PCDHA4: variants seen among roughly 807,000 people sequenced by gnomAD.
The protein encoded by PCDHA4 is protocadherin alpha-4.
A neutral mutation model predicts 61.4 loss-of-function variants in PCDHA4; 49 were observed. That is an observed-to-expected ratio of 0.80 (90% confidence interval 0.63 to 1.01). The LOEUF is 1.01. Among genes scored for constraint, PCDHA4 ranks in the 50% least tolerant of loss-of-function variants. The pLI is 0.00. For missense variants in PCDHA4, 1,254 were observed against 1,235.8 expected (o/e 1.01, Z -0.22); for synonymous variants, 590 against 550.3 (o/e 1.07, Z -1.01).
At chr5:140,958,133 G>T (rs1472500802) in intron 1 of PCDHA4, among the ~76,000 whole-genome samples, 2 of 152,046 alleles carry the variant, frequency 1.3e-5, no homozygotes, top group East Asian at 3.8e-4. Flanking sequence ...ATGTATCAGT[G>T]TGTATATTTA....
chr5:140,874,187 C>A (rs1554167080), intron 1 of PCDHA4, among the ~76,000 whole-genome samples: 1 of 152,168 alleles, frequency 6.6e-6, no homozygotes, highest in Non-Finnish European at 1.5e-5. Context: ...GTAAAGGTGT[C>A]ATATTTCAGT....
At chr5:140,919,127 T>A (rs2079016296) in intron 1 of PCDHA4, among the ~76,000 whole-genome samples, 1 of 152,192 alleles carries the variant, frequency 6.6e-6, no homozygotes, top group East Asian at 1.9e-4. Flanking sequence ...TTGCTTCATG[T>A]GTTTTGGGGC....
chr5:140,870,746 TGACG>T, intron 1 of PCDHA4: 1 of 1,613,488 alleles, frequency 6.2e-7, no homozygotes, highest in Non-Finnish European at 8.5e-7. Context: ...AGCAGCAACG[TGACG>T]CTGCAGGTGT....
chr5:140,924,052 A>G (rs948483906), intron 1 of PCDHA4, among the ~76,000 whole-genome samples: 1 of 152,244 alleles, frequency 6.6e-6, no homozygotes, highest in Non-Finnish European at 1.5e-5. Context: ...AGTTCGGTAC[A>G]TCTTTACAGT....
intron 1 of PCDHA4, chr5:140,883,816 G>A (rs1217152310): frequency 1.9e-6 from 3 of 1,612,522 alleles, no homozygotes; most frequent in Non-Finnish European, 2.5e-6. Context: ...AGAGCGGCAA[G>A]GTGTACGCGC....
chr5:140,897,727 T>G (rs1468942464), intron 1 of PCDHA4, among the ~76,000 whole-genome samples: 1 of 152,148 alleles, frequency 6.6e-6, no homozygotes, highest in Non-Finnish European at 1.5e-5. Context: ...CTGGGTCAAA[T>G]AGTATTTCTA....
rs376660293 is a variant in PCDHA4 at position 141,011,766 on chromosome 5, A to C, written c.*1829A>C. ...ACCAATCTGACCTCTTTGAAGTTGCAGAATGCTTTGAAATTCTAATGGTAT... is the reference window on the plus strand; with the variant it reads ...ACCAATCTGACCTCTTTGAAGTTGCCGAATGCTTTGAAATTCTAATGGTAT... On this transcript the variant is annotated 3_prime_UTR_variant, in exon 4 of 4. Transcript: ENST00000530339. 2.6e-5 allele frequency: 4 copies of C among 153,796 alleles called. No homozygotes were observed. Among genetic ancestry groups the C allele is most frequent in the Non-Finnish European group, 5.9e-5 (4 of 68,044 alleles). 9.5% of individuals were successfully genotyped at this position (153,796 alleles called of 1,614,324 possible).
At chr5:140,834,515 C>T in intron 1 of PCDHA4, 1 of 1,614,100 alleles carries the variant, frequency 6.2e-7, no homozygotes, top group East Asian at 2.2e-5. Context: ...ATGGCAACTT[C>T]GTGGGCCGCA....
chr5:140,823,565 A>G, intron 1 of PCDHA4: 1 of 1,613,806 alleles, frequency 6.2e-7, no homozygotes, highest in Non-Finnish European at 8.5e-7. Flanking sequence ...CGCGCAGTGG[A>G]CCCTGATTCG....
chr5:140,928,288 C>CA (rs1554205700), intron 1 of PCDHA4: 1 of 1,614,156 alleles, frequency 6.2e-7, no homozygotes, highest in East Asian at 2.2e-5. Flanking sequence ...CTCTCTAGGC[C>CA]GAGTGTTTGC....
At chr5:140,948,856 ATATTACTTCGGGTTTACTTT>A (rs1364138889) in intron 1 of PCDHA4, among the ~76,000 whole-genome samples, 11 of 151,588 alleles carry the variant, frequency 7.3e-5, no homozygotes, top group African/African-American at 2.7e-4. Context: ...TTGCCTTCTT[ATATTACTTCGGGTTTACTTT>A]GCTCTCTTTT....
intron 1 of PCDHA4, chr5:140,843,028 G>T: frequency 6.3e-7 from 1 of 1,595,268 alleles, no homozygotes; most frequent in Non-Finnish European, 8.6e-7. Context: ...TGGAGCCTCG[G>T]GTGGGTGGCA....
At chr5:140,908,822 C>G (rs2074167872) in intron 1 of PCDHA4, among the ~76,000 whole-genome samples, 1 of 152,136 alleles carries the variant, frequency 6.6e-6, no homozygotes, top group African/African-American at 2.4e-5. Flanking sequence ...TTTTGGGTTA[C>G]TCGATAAATG....
At chr5:140,822,191 T>C in intron 1 of PCDHA4, 1 of 1,614,246 alleles carries the variant, frequency 6.2e-7, no homozygotes, top group Non-Finnish European at 8.5e-7. Context: ...GAACAAAGAT[T>C]ATTCATTTTA....
chr5:140,871,656 A>C, intron 1 of PCDHA4: 1 of 1,231,284 alleles, frequency 8.1e-7, no homozygotes, highest in Non-Finnish European at 1.1e-6. Flanking sequence ...AATGATACAC[A>C]TCTTCAGTCT....
Position 140,808,490 on chromosome 5 carries a change from C to T in PCDHA4, c.1303C>T (p.Leu435=), listed in dbSNP as rs782787343. The change falls in exon 1 of 4, where the codon CTG becomes TTG. Residue 435 remains leucine, a synonymous_variant. Coordinates refer to ENST00000530339, the MANE Select transcript of PCDHA4 (RefSeq NM_018907.4). ...CGCGCGAGACGGGGGCTCGCCTTCG[C>T]TGTGGGCCACGGCCAGTGTTTCTGT... ...VTARDGGSPS[L]WATASVSVEV... The T allele has an allele frequency of 1.9e-6, 3 of 1,614,172 alleles. No individual in the cohort carries two copies. Among genetic ancestry groups the T allele is most frequent in the South Asian group, 2.2e-5 (2 of 91,084 alleles).
intron 1 of PCDHA4, chr5:140,928,280 C>G (rs781831365): frequency 6.2e-7 from 1 of 1,614,194 alleles, no homozygotes; most frequent in East Asian, 2.2e-5. Context: ...CCTGGGGCCT[C>G]TCTAGGCCGA....
chr5:140,894,670 C>T (rs971891585), intron 1 of PCDHA4, among the ~76,000 whole-genome samples: 2 of 151,580 alleles, frequency 1.3e-5, no homozygotes, highest in African/African-American at 4.8e-5. Flanking sequence ...TTTGTGTATT[C>T]TTGCATAGCT....
chr5:140,876,493 C>T (rs1554168608), intron 1 of PCDHA4: 2 of 1,614,008 alleles, frequency 1.2e-6, no homozygotes, highest in Admixed American at 3.3e-5. Context: ...GGTGGAAGTT[C>T]TGGACGTGAA....
Sources: allele counts gnomAD v4.1 joint callset (sites outside exome capture counted in the v4.1 genomes callset), GRCh38; gene constraint gnomAD v4.1.1; transcripts MANE v1.5; gene names NCBI Gene and HGNC (gene_info 2026-07-23, HGNC 2026-07-21).